Variants in SCAPER observed in about 807,000 individuals in gnomAD.
The protein encoded by SCAPER is S phase cyclin A-associated protein in the endoplasmic reticulum.
Under a neutral mutation model 182.2 loss-of-function variants are expected in SCAPER, and 98 were observed. That is an observed-to-expected ratio of 0.54 (90% CI 0.46 to 0.64). The LOEUF (loss-of-function observed/expected upper bound fraction) is 0.64, where lower values mean the gene tolerates loss of function less well. Ranked by LOEUF, SCAPER falls within the 30% of genes least tolerant of loss-of-function variation. The probability of loss-of-function intolerance (pLI) is 0.00; values close to 1 mark genes in which losing one functional copy is unlikely to be tolerated. For synonymous variants in SCAPER, 605 were observed against 564.6 expected (o/e 1.07, Z -1.01); for missense variants, 1,432 against 1,690.0 (o/e 0.85, Z 2.68).
At chr15:76,430,444 A>T (rs1050729457) in intron 26 of SCAPER, among the ~76,000 whole-genome samples, 9 of 152,228 alleles carry the variant, frequency 5.9e-5, no homozygotes, top group African/African-American at 2.2e-4. Flanking sequence ...TATACCCTAC[A>T]AAGTCACACA....
chr15:76,441,062 C>T (rs138429788), intron 25 of SCAPER, among the ~76,000 whole-genome samples: 2,283 of 151,756 alleles, frequency 0.015, 41 homozygotes, highest in South Asian at 0.036. Context: ...GCTGGGACTA[C>T]AGGCACCCGC....
chr15:76,535,727 C>T (rs897012272), intron 23 of SCAPER, among the ~76,000 whole-genome samples: 2 of 151,872 alleles, frequency 1.3e-5, no homozygotes, highest in Admixed American at 6.6e-5. Flanking sequence ...TTCATTCAGG[C>T]TCTAGGTTCT....
chr15:76,429,962 C>T (rs2046754615), intron 26 of SCAPER, among the ~76,000 whole-genome samples: 3 of 152,130 alleles, frequency 2.0e-5, no homozygotes, highest in South Asian at 2.1e-4. Context: ...AGGCTCAGGG[C>T]TCCCCTGCTC....
chr15:76,358,514 T>A (rs1596288074), intron 29 of SCAPER, among the ~76,000 whole-genome samples: 1 of 152,248 alleles, frequency 6.6e-6, no homozygotes, highest in Non-Finnish European at 1.5e-5. Context: ...GTGGGGCTGG[T>A]GAGGGCCTTC....
intron 31 of SCAPER, 76 bp from the exon 32 acceptor site, chr15:76,348,812 T>C (rs2040340551): frequency 1.2e-6 from 1 of 859,028 alleles, no homozygotes. Context: ...ATTAAACTTA[T>C]TTTGATATCT....
At chr15:76,385,485 C>T (rs2043232608) in intron 27 of SCAPER, among the ~76,000 whole-genome samples, 1 of 152,150 alleles carries the variant, frequency 6.6e-6, no homozygotes, top group Non-Finnish European at 1.5e-5. Flanking sequence ...CCCATTTTAG[C>T]CCTTAAACCC....
At chr15:76,516,171 ACTTT>A (rs527770742) in intron 23 of SCAPER, among the ~76,000 whole-genome samples, 20 of 150,312 alleles carry the variant, frequency 1.3e-4, no homozygotes, top group African/African-American at 2.7e-4. Context: ...AGAACTCAGA[ACTTT>A]CTTTCTTTCT....
chr15:76,726,895 C>G (rs1256564876), intron 17 of SCAPER, among the ~76,000 whole-genome samples: 2 of 151,826 alleles, frequency 1.3e-5, no homozygotes, highest in Non-Finnish European at 2.9e-5. Context: ...GTCTCGGAAA[C>G]TGAAAAAATT....
At chr15:76,619,503 C>T (rs1481568791) in intron 22 of SCAPER, among the ~76,000 whole-genome samples, 1 of 152,032 alleles carries the variant, frequency 6.6e-6, no homozygotes, top group Non-Finnish European at 1.5e-5. Context: ...AACTATTTTT[C>T]CAAGGTAGTT....
chr15:76,609,378 A>G (rs542166675), intron 22 of SCAPER, among the ~76,000 whole-genome samples: 1 of 151,762 alleles, frequency 6.6e-6, no homozygotes, highest in Non-Finnish European at 1.5e-5. Context: ...AGTCCTAACT[A>G]CCGAGGAGGC....
intron 17 of SCAPER, among the ~76,000 whole-genome samples, chr15:76,719,275 T>C (rs766969121): frequency 2.6e-4 from 40 of 152,012 alleles, no homozygotes; most frequent in Non-Finnish European, 7.4e-5. Flanking sequence ...CTAAGTAAAA[T>C]GAGCCACACA....
At chr15:76,680,270 A>G (rs2057617251) in intron 20 of SCAPER, among the ~76,000 whole-genome samples, 1 of 152,116 alleles carries the variant, frequency 6.6e-6, no homozygotes, top group Admixed American at 6.6e-5. Context: ...ATAGGTTAAA[A>G]GTAGAATGAC....
chr15:76,467,826 C>T (rs1279576397), intron 25 of SCAPER, among the ~76,000 whole-genome samples: 1 of 152,038 alleles, frequency 6.6e-6, no homozygotes, highest in Non-Finnish European at 1.5e-5. Context: ...GGCATCTGGA[C>T]AATGCTTTGG....
intron 20 of SCAPER, among the ~76,000 whole-genome samples, chr15:76,690,169 T>A (rs1384586235): frequency 3.3e-5 from 5 of 152,150 alleles, no homozygotes; most frequent in African/African-American, 1.2e-4. Context: ...TATAATTGTA[T>A]GTATCTCTGA....
At chr15:76,407,672 T>C (rs1297468192) in intron 26 of SCAPER, among the ~76,000 whole-genome samples, 4 of 152,178 alleles carry the variant, frequency 2.6e-5, no homozygotes, top group Non-Finnish European at 5.9e-5. Context: ...AGTTTGATAA[T>C]TTTCCTTTCA....
At chr15:76,876,305 T>G (rs1813479) in intron 2 of SCAPER, among the ~76,000 whole-genome samples, 2 of 151,894 alleles carry the variant, frequency 1.3e-5, no homozygotes, top group Non-Finnish European at 2.9e-5. Flanking sequence ...ATGGCCAGAG[T>G]GGACGTCGAG....
At chr15:76,464,353 G>A (rs551993366) in intron 25 of SCAPER, among the ~76,000 whole-genome samples, 1 of 151,814 alleles carries the variant, frequency 6.6e-6, no homozygotes. Context: ...CTTTTTTAAG[G>A]TTGATTAATA....
intron 27 of SCAPER, among the ~76,000 whole-genome samples, chr15:76,395,561 T>C (rs2043991044): frequency 6.6e-6 from 1 of 152,210 alleles, no homozygotes; most frequent in South Asian, 2.1e-4. Context: ...TGAGATGATA[T>C]CTCTTTGTAG....
intron 26 of SCAPER, among the ~76,000 whole-genome samples, chr15:76,422,142 C>T (rs1681701053): frequency 6.6e-6 from 1 of 152,052 alleles, no homozygotes; most frequent in Admixed American, 6.6e-5. Flanking sequence ...AAAGTTTTTT[C>T]CAATTCTGTG....
Sources: allele counts gnomAD v4.1 joint callset (sites outside exome capture counted in the v4.1 genomes callset), GRCh38; gene constraint gnomAD v4.1.1; transcripts MANE v1.5; gene names NCBI Gene and HGNC (gene_info 2026-07-23, HGNC 2026-07-21).